UQCC2: variants seen among roughly 807,000 people sequenced by gnomAD.
UQCC2 encodes breast cancer-associated protein SGA-81M.
Under a neutral mutation model 19.9 loss-of-function variants are expected in UQCC2, and 21 were observed. The observed-to-expected ratio is 1.05, with a 90% CI of 0.75 to 1.52. The LOEUF (loss-of-function observed/expected upper bound fraction) is 1.52, where lower values mean the gene tolerates loss of function less well. Among genes scored for constraint, UQCC2 ranks in the 40% most tolerant of loss-of-function variants. UQCC2 has a pLI of 0.00. For synonymous variants in UQCC2, 57 were observed against 60.9 expected (o/e 0.94, Z 0.30); for missense variants, 135 against 157.5 (o/e 0.86, Z 0.76).
intron 1 of UQCC2, among the ~76,000 whole-genome samples, chr6:33,703,856 T>C (rs1049997522): frequency 6.6e-6 from 1 of 152,216 alleles, no homozygotes; most frequent in African/African-American, 2.4e-5. Context: ...ACAGTCCATA[T>C]TCCAATTCTG....
intron 1 of UQCC2, among the ~76,000 whole-genome samples, chr6:33,710,483 T>C (rs1175305021): frequency 1.3e-5 from 2 of 152,176 alleles, no homozygotes; most frequent in Non-Finnish European, 2.9e-5. Context: ...TTTCTTTCTG[T>C]CCTCAAACAT....
At chr6:33,700,599 T>G (rs1269845770) in intron 2 of UQCC2, 86 bp from the exon 3 acceptor site, 84 of 1,418,076 alleles carry the variant, frequency 5.9e-5, no homozygotes, top group South Asian at 7.0e-5. Context: ...ACCTAGGCCC[T>G]GGGCAACCAG....
At chr6:33,709,402 A>G (rs1765738621) in intron 1 of UQCC2, among the ~76,000 whole-genome samples, 2 of 152,022 alleles carry the variant, frequency 1.3e-5, no homozygotes, top group Non-Finnish European at 2.9e-5. Flanking sequence ...ATCCATTCAG[A>G]CATTTACTGA....
chr6:33,709,028 T>C lies in UQCC2; in HGVS notation c.138+2521A>G, dbSNP rs535283157. On this transcript the variant is annotated intron_variant, in intron 1 of 3. Coordinates refer to ENST00000607484, the MANE Select transcript of UQCC2 (RefSeq NM_032340.4). Reference sequence around the variant, plus strand: ...CTGGGACTCAAACCTGTGTGGGCCTTTGACTGATCAGAAACGATTGCCCTA... The same window carrying C: ...CTGGGACTCAAACCTGTGTGGGCCTCTGACTGATCAGAAACGATTGCCCTA... 5.3e-5 allele frequency among the ~76,000 whole-genome samples: 8 copies of C among 152,330 alleles called. No homozygotes were observed. The East Asian group carries it at 1.2e-3, about 22-fold the overall frequency.
At position 33,711,683 on chromosome 6, in the gene UQCC2, C is replaced by T. The variant is rs755654040; in HGVS notation, c.4G>A (p.Ala2Thr). The T allele has an allele frequency of 4.4e-6, 7 of 1,607,992 alleles. No individual in the cohort carries two copies. The African/African-American group carries it at 5.4e-5, about 12-fold the overall frequency. ...AGAAAACGCCGGTACCGGCTGGCCGCCATCTTGGGCCCCGCGTGTTCCCGC... is the reference window on the plus strand; with the variant it reads ...AGAAAACGCCGGTACCGGCTGGCCGTCATCTTGGGCCCCGCGTGTTCCCGC... Reference protein sequence around the residue: MAASRYRRFLKL... With the variant: MTASRYRRFLKL... The change falls in exon 1 of 4, where the codon GCG becomes ACG. Residue 2 changes from alanine (A) to threonine (T), a missense_variant. Physicochemically the swap from Ala to Thr is moderately conservative, Grantham distance 58. Coordinates refer to ENST00000607484, the MANE Select transcript of UQCC2 (RefSeq NM_032340.4).
At chr6:33,706,080 G>C (rs933266300) in intron 1 of UQCC2, among the ~76,000 whole-genome samples, 1 of 152,146 alleles carries the variant, frequency 6.6e-6, no homozygotes, top group African/African-American at 2.4e-5. Context: ...CAGTGCTGCA[G>C]GCACTGATTT....
chr6:33,711,031 C>T (rs1160833128), intron 1 of UQCC2, among the ~76,000 whole-genome samples: 1 of 152,118 alleles, frequency 6.6e-6, no homozygotes, highest in Non-Finnish European at 1.5e-5. Flanking sequence ...TGAGGTAATG[C>T]TACCGTGACA....
chr6:33,697,847 G>C, intron 3 of UQCC2, 97 bp from the exon 4 acceptor site: 12 of 949,146 alleles, frequency 1.3e-5, no homozygotes, highest in Non-Finnish European at 1.9e-5. Context: ...AGCATGGCTT[G>C]CTTTTCACAC....
chr6:33,711,478 A>C, intron 1 of UQCC2, 71 bp downstream of exon 1: 2 of 1,506,986 alleles, frequency 1.3e-6, no homozygotes, highest in Non-Finnish European at 1.8e-6. Context: ...TCCCCCTGCT[A>C]GCGCGCTCGT....
intron 3 of UQCC2, among the ~76,000 whole-genome samples, chr6:33,699,737 A>G (rs1005242133): frequency 6.6e-6 from 1 of 152,242 alleles, no homozygotes; most frequent in Admixed American, 6.5e-5. Flanking sequence ...TGCCAGAAGA[A>G]GAGGAAAGAC....
In UQCC2 at chr6:33,711,668, G is replaced by T; in HGVS notation, c.19C>A (p.Arg7=). ...TCCTCACAGAGCTTAAGAAAACGCC[G>T]GTACCGGCTGGCCGCCATCTTGGGC... The part of the protein sequence containing the change: MAASRY[R]RFLKLCEEWP... Residue 7 remains arginine (R), a synonymous_variant, in exon 1 of 4, where the codon CGG becomes AGG. Transcript: ENST00000607484. 1.2e-6 allele frequency: 2 copies of T among 1,610,624 alleles called. No individual in the cohort carries two copies. The highest frequency in any genetic ancestry group is 2.2e-5 in the South Asian group (2 of 90,786).
intron 1 of UQCC2, among the ~76,000 whole-genome samples, chr6:33,703,126 C>A (rs1433980856): frequency 6.6e-6 from 1 of 152,226 alleles, no homozygotes; most frequent in Non-Finnish European, 1.5e-5. Context: ...CAGGGAAAGT[C>A]CCATTAGAAT....
At chr6:33,701,817 C>A (rs9469568) in intron 1 of UQCC2, among the ~76,000 whole-genome samples, 3 of 151,566 alleles carry the variant, frequency 2.0e-5, no homozygotes, top group African/African-American at 7.3e-5. Flanking sequence ...GGGGAGTCCC[C>A]GCATGCTCAA....
chr6:33,700,881 G>A (rs1765631825), intron 2 of UQCC2, among the ~76,000 whole-genome samples: 1 of 152,186 alleles, frequency 6.6e-6, no homozygotes, highest in Non-Finnish European at 1.5e-5. Context: ...AAATGTTTGT[G>A]GAGTTAATGA....
At chr6:33,699,822 A>G (rs1003176473) in intron 3 of UQCC2, among the ~76,000 whole-genome samples, 1 of 152,200 alleles carries the variant, frequency 6.6e-6, no homozygotes, top group Non-Finnish European at 1.5e-5. Context: ...TTTTGTATAT[A>G]ATATACTTGG....
At chr6:33,704,909 GAGC>G (rs1443531189) in intron 1 of UQCC2, among the ~76,000 whole-genome samples, 2 of 152,186 alleles carry the variant, frequency 1.3e-5, no homozygotes, top group Non-Finnish European at 2.9e-5. Flanking sequence ...CATCCCTGAT[GAGC>G]AGCAGGACAG....
At chr6:33,710,360 G>A (rs1319813369) in intron 1 of UQCC2, among the ~76,000 whole-genome samples, 1 of 152,122 alleles carries the variant, frequency 6.6e-6, no homozygotes, top group Admixed American at 6.5e-5. Context: ...CTTCTCACTG[G>A]CCTTATAATG....
chr6:33,697,840 A>C, intron 3 of UQCC2, 90 bp from the exon 4 acceptor site: 1 of 1,041,730 alleles, frequency 9.6e-7, no homozygotes, highest in Non-Finnish European at 1.4e-6. Context: ...CGACACAAGC[A>C]TGGCTTGCTT....
At chr6:33,702,497 G>A (rs866645580) in intron 1 of UQCC2, among the ~76,000 whole-genome samples, 1 of 152,242 alleles carries the variant, frequency 6.6e-6, no homozygotes, top group African/African-American at 2.4e-5. Flanking sequence ...CTAGAAAGGA[G>A]ATGGCCCAGA....
Sources: gnomAD v4.1 joint callset for allele counts (sites outside exome capture counted in the v4.1 genomes callset) on GRCh38, gnomAD v4.1.1 for gene constraint, MANE v1.5 for transcripts, NCBI Gene and HGNC (gene_info 2026-07-23, HGNC 2026-07-21) for gene names.